The following EMG1 variants were observed in gnomAD, a reference collection of about 807,000 sequenced individuals.
EMG1 encodes the protein EMG1 N1-specific pseudouridine methyltransferase.
EMG1 carries 24 observed loss-of-function variants against 26.9 expected under a neutral mutation model. The observed-to-expected ratio is 0.89, with a 90% CI of 0.65 to 1.26. The LOEUF (loss-of-function observed/expected upper bound fraction) is 1.26. Among genes scored for constraint, EMG1 ranks in the 50% most tolerant of loss-of-function variants. The pLI is 0.00. For synonymous variants in EMG1, 140 were observed against 112.6 expected (o/e 1.24, Z -1.54); for missense variants, 299 against 307.6 (o/e 0.97, Z 0.21).
At chr12:6,997,379 A>ATGTGTGTGTGTGTGTG (rs201579525) in exon 8 of EMG1, 11 of 114,138 alleles carry the variant, frequency 9.6e-5, no homozygotes, top group East Asian at 5.4e-4. Context: ...ACAGCAAATT[A>ATGTGTGTGTGTGTGTG]TGTGTGTGTG....
Position 6,975,670 on chromosome 12 carries a change from G to C in EMG1, c.622-26G>C, listed in dbSNP as rs782027143. The C allele has an allele frequency of 1.0e-5, 15 of 1,465,626 alleles. 1 individual carries two copies. The highest frequency in any genetic ancestry group is 1.4e-5 in the Non-Finnish European group (15 of 1,044,628). The allele number at this position is 1,465,626 out of a possible 1,614,324, so 90.8% of individuals were successfully genotyped here. A position where few individuals can be genotyped will look rare whatever the true frequency, so the allele number is the denominator to read the frequency against. On this transcript the variant is annotated intron_variant, in intron 5 of 5. Transcript: ENST00000599672. ...GAAACAGCTACTGAGTGACAGAGTTGGCTGACAAAACTGTTCTTTTCTTAG... is the reference window on the plus strand; with the variant it reads ...GAAACAGCTACTGAGTGACAGAGTTCGCTGACAAAACTGTTCTTTTCTTAG...
At chr12:6,972,412 C>T (rs1443754408) in intron 1 of EMG1, among the ~76,000 whole-genome samples, 1 of 151,870 alleles carries the variant, frequency 6.6e-6, no homozygotes, top group Admixed American at 6.5e-5. Flanking sequence ...CCTTTTTTCG[C>T]AGACTTTTTG....
chr12:6,974,982 TA>T, intron 3 of EMG1, 107 bp from the exon 4 acceptor site: 2 of 1,137,670 alleles, frequency 1.8e-6, no homozygotes, highest in South Asian at 2.5e-5. Context: ...AGTCTAGATA[TA>T]AAGCACACAG....
chr12:6,981,776 ACATGTAAGGAAGG>A (rs782575187), downstream of EMG1: 1 of 1,546,078 alleles, frequency 6.5e-7, no homozygotes, highest in South Asian at 1.1e-5. Flanking sequence ...GGAGGGACCT[ACATGTAAGGAAGG>A]CAGGCAGTGA....
intron 7 of EMG1, among the ~76,000 whole-genome samples, chr12:6,996,915 T>A (rs1490505095): frequency 1.3e-5 from 2 of 151,960 alleles, no homozygotes; most frequent in African/African-American, 4.8e-5. Context: ...GGGCATTCAC[T>A]CCAAGAGACT....
Position 6,974,394 on chromosome 12 carries a change from A to G in EMG1, c.224A>G (p.Lys75Arg). Residue 75 changes from lysine to arginine, a missense_variant, in exon 2 of 6, where the codon AAG (lysine) becomes AGG (arginine). By Grantham distance (26) the Lys-to-Arg change is conservative (BLOSUM62 2). Coordinates refer to ENST00000599672, the MANE Select transcript of EMG1 (RefSeq NM_006331.8). ...GACAAGCACAAGTCTATATTGTTGA[A>G]GAATGGACGGGACCCTGGGGAAGCG... ...NCDKHKSILL[K>R]NGRDPGEARP... 1 of 1,613,918 alleles carries G rather than the reference A, an allele frequency of 6.2e-7. No individual in the cohort carries two copies. The highest frequency in any genetic ancestry group is 8.5e-7 in the Non-Finnish European group (1 of 1,179,822).
At chr12:6,989,698 T>C (rs1010439586), downstream of EMG1, among the ~76,000 whole-genome samples, 1 of 152,174 alleles carries the variant, frequency 6.6e-6, no homozygotes, top group African/African-American at 2.4e-5. Context: ...AACTGTATTA[T>C]TCAGTCTCTG....
intron 1 of EMG1, among the ~76,000 whole-genome samples, chr12:6,971,863 T>G (rs113003317): frequency 3.2e-3 from 482 of 152,288 alleles, no homozygotes; most frequent in South Asian, 5.0e-3. Context: ...CTGGTTATTA[T>G]TTAAAACTTT....
Position 6,976,133 on chromosome 12 carries a change from A to G in EMG1, c.*324A>G, listed in dbSNP as rs1946396923. 4.2e-6 allele frequency: 1 copy of G among 240,484 alleles called. No individual in the cohort carries two copies. The highest frequency in any genetic ancestry group is 2.2e-5 in the African/African-American group (1 of 44,672). The allele number at this position is 240,484 out of a possible 1,614,324, so 14.9% of individuals were successfully genotyped here. On this transcript the variant is annotated 3_prime_UTR_variant, in exon 6 of 6. Coordinates refer to ENST00000599672, the MANE Select transcript of EMG1 (RefSeq NM_006331.8). ...AGATTCCCATGTGCTAAAGGAGAGA[A>G]CCCTGATGATGGAGAAGAACTGTGA... is the stretch of plus-strand genomic sequence containing the variant.
chr12:6,996,092 C>T (rs1195698088), intron 7 of EMG1, among the ~76,000 whole-genome samples: 1 of 152,138 alleles, frequency 6.6e-6, no homozygotes, highest in Non-Finnish European at 1.5e-5. Context: ...TGCCAGCACC[C>T]GCAGGTTCTG....
chr12:6,983,557 T>A (rs782405038), downstream of EMG1: 1 of 1,502,218 alleles, frequency 6.7e-7, no homozygotes, highest in Non-Finnish European at 9.3e-7. Context: ...GGGGAAAAGA[T>A]AAGAAGAGTG....
At position 6,974,399 on chromosome 12, in the gene EMG1, G is replaced by A; in HGVS notation, c.229G>A (p.Gly77Arg). 6.2e-7 allele frequency: 1 copy of A among 1,613,854 alleles called. No homozygotes were observed. The highest frequency in any genetic ancestry group is 1.1e-5 in the South Asian group (1 of 91,060). The change falls in exon 2 of 6, where the codon GGA becomes AGA. Residue 77 changes from glycine (G) to arginine (R), a missense_variant. By Grantham distance (125) the Gly-to-Arg change is moderately radical (BLOSUM62 -2). Transcript: ENST00000599672. The part of the protein sequence containing the change: ...DKHKSILLKN[G>R]RDPGEARPDI... ...GCACAAGTCTATATTGTTGAAGAAT[G>A]GACGGGACCCTGGGGAAGCGCGGCC...
At chr12:6,996,190 G>A (rs775919631) in intron 7 of EMG1, among the ~76,000 whole-genome samples, 200 of 152,276 alleles carry the variant, frequency 1.3e-3, no homozygotes, top group Non-Finnish European at 2.4e-3. Flanking sequence ...TTCCCTTCCT[G>A]GAATGTTAAG....
At chr12:6,989,340 GTCTC>G (rs1208505222), downstream of EMG1, among the ~76,000 whole-genome samples, 5 of 143,382 alleles carry the variant, frequency 3.5e-5, no homozygotes, top group African/African-American at 1.3e-4. Flanking sequence ...TTGAGACAGA[GTCTC>G]TGTCGCCCAG....
intron 6 of EMG1, among the ~76,000 whole-genome samples, chr12:6,986,118 GCTCTTAAATTTATAGCTTCATGCAA>G (rs1946523309): frequency 5.9e-5 from 9 of 152,016 alleles, no homozygotes; most frequent in Non-Finnish European, 1.5e-5. Context: ...AATAGGCTAG[GCTCTTAAATTTATAGCTTCATGCAA>G]GTATAGTTGA....
rs896611994 is a variant in EMG1 at position 6,979,226 on chromosome 12, C to A, written c.*3417C>A. The A allele has an allele frequency of 9.2e-6, 5 of 543,010 alleles. No homozygotes were observed. The highest frequency in any genetic ancestry group is 1.6e-5 in the Non-Finnish European group (5 of 304,774). 33.6% of individuals were successfully genotyped at this position (543,010 alleles called of 1,614,324 possible). A position where few individuals can be genotyped will look rare whatever the true frequency, so the allele number is the denominator to read the frequency against. ...ATGTGATAAGGCAAGCTAGGAGCGG[C>A]TCCTAGAGAAGGCAACGGGTGCTAA... On this transcript the variant is annotated 3_prime_UTR_variant, in exon 6 of 6. Transcript: ENST00000599672.
Position 6,975,363 on chromosome 12 carries a change from C to T in EMG1, c.606C>T (p.Ala202=), listed in dbSNP as rs187355231. 1.2e-5 allele frequency: 19 copies of T among 1,601,246 alleles called. No individual in the cohort carries two copies. In the African/African-American group the frequency reaches 1.7e-4, roughly 15 times the overall value. The stretch of plus-strand genomic sequence containing the variant: ...ATCCTATTGTTTTTGTGGTAGGGGC[C>T]TTTGCCCATGGCAAGGTAAGGTCTG... ...SSDPIVFVVG[A]FAHGKVSVEY... Residue 202 remains alanine, a synonymous_variant, in exon 5 of 6, where the codon GCC becomes GCT. Transcript: ENST00000599672.
chr12:6,979,440 T>C lies in EMG1; in HGVS notation c.*3631T>C, dbSNP rs1946446677. 6.7e-7 allele frequency: 1 copy of C among 1,499,220 alleles called. No individual in the cohort carries two copies. Among genetic ancestry groups the C allele is most frequent in the South Asian group, 1.1e-5 (1 of 88,634 alleles). 92.9% of individuals were successfully genotyped at this position (1,499,220 alleles called of 1,614,324 possible). ...TGTCCATTTTCTAGCTCTGGTGCAGTCATGCTGCTGCTGCTTTAGTAGACA... is the reference window on the plus strand; with the variant it reads ...TGTCCATTTTCTAGCTCTGGTGCAGCCATGCTGCTGCTGCTTTAGTAGACA... On this transcript the variant is annotated 3_prime_UTR_variant, in exon 6 of 6. Transcript: ENST00000599672.
intron 7 of EMG1, among the ~76,000 whole-genome samples, chr12:6,994,463 G>A (rs782667223): frequency 5.3e-5 from 8 of 151,646 alleles, no homozygotes; most frequent in African/African-American, 1.5e-4. Flanking sequence ...CTGCCTTGGC[G>A]TCCCAAAGTG....
Sources: allele counts gnomAD v4.1 joint callset (sites outside exome capture counted in the v4.1 genomes callset), GRCh38; gene constraint gnomAD v4.1.1; transcripts MANE v1.5; gene names NCBI Gene and HGNC (gene_info 2026-07-23, HGNC 2026-07-21).